Variants in CTRB2 observed in about 807,000 individuals in gnomAD.
CTRB2 encodes chymotrypsinogen B2.
CTRB2 carries 9 observed loss-of-function variants against 19.3 expected under a neutral mutation model. The ratio of observed to expected loss-of-function variants is 0.47; its 90% CI spans 0.28 to 0.81. CTRB2 has a LOEUF of 0.81. CTRB2 is among the 40% of genes least tolerant of loss of function. The pLI is 0.11. For missense variants in CTRB2, 210 were observed against 269.7 expected, an observed-to-expected ratio of 0.78 and a Z score of 1.55; for synonymous variants, 98 against 117.3, an observed-to-expected ratio of 0.84 and a Z score of 1.06.
chr16:75,206,081 C>A lies in CTRB2; in HGVS notation c.156+9G>T, dbSNP rs750029573. 5 of 1,497,678 alleles carry A rather than the reference C, an allele frequency of 3.3e-6. No homozygotes were observed. Among genetic ancestry groups the A allele is most frequent in the Admixed American group, 2.1e-5 (1 of 48,488 alleles). The allele number at this position is 1,497,678 out of a possible 1,614,324, so 92.8% of individuals were successfully genotyped here. On this transcript the variant is annotated intron_variant, in intron 2 of 6. Transcript: ENST00000303037. ...CCAGGGTGCCCCCCACCTTGCAGAA[C>A]CCCCTCACCTGCAGGGACACCTGCC...
chr16:75,206,352 T>C, intron 1 of CTRB2, 159 bp from the exon 2 acceptor site: 1 of 728,988 alleles, frequency 1.4e-6, no homozygotes, highest in South Asian at 1.9e-5. Context: ...TCCGCAGAGC[T>C]GGAATCCCCA....
At chr16:75,206,571 A>C (rs961585639) in intron 1 of CTRB2, 2 of 342,158 alleles carry the variant, frequency 5.8e-6, no homozygotes, top group Non-Finnish European at 1.1e-5. Context: ...AGTGGGGATC[A>C]CGCTGTTTCT....
intron 6 of CTRB2, 50 bp from the exon 7 acceptor site, chr16:75,204,372 C>A: frequency 6.3e-7 from 1 of 1,574,940 alleles, no homozygotes; most frequent in Admixed American, 1.7e-5. Context: ...GTGCCAGGGC[C>A]TAGGGGACCC....
chr16:75,204,518 G>A (rs1474129068), intron 6 of CTRB2, among the ~76,000 whole-genome samples, 196 bp from the exon 7 acceptor site: 4 of 152,116 alleles, frequency 2.6e-5, no homozygotes, highest in South Asian at 2.1e-4. Flanking sequence ...TGGGGCAGGT[G>A]GCTTCCCTCT....
At chr16:75,204,715 C>A in intron 6 of CTRB2, 58 bp downstream of exon 6, 3 of 1,490,660 alleles carry the variant, frequency 2.0e-6, no homozygotes, top group Non-Finnish European at 2.7e-6. Context: ...GGGTGGAAAG[C>A]CCAGACCTCC....
At position 75,204,232 on chromosome 16, in the gene CTRB2, T is replaced by G. The variant is rs1049299; in HGVS notation, c.721A>C (p.Thr241Pro). The change falls in exon 7 of 7, where the codon ACC becomes CCC. Residue 241 changes from threonine to proline, a missense_variant. By Grantham distance (38) the Thr-to-Pro change is conservative. This residue lies in a region of CTRB2 where 120 missense variants were observed against 90.8 expected (regional missense o/e 1.32). Transcript: ENST00000303037. Reference sequence around the variant, plus strand: ...ACACGGGCGTACACAGCGGGCGTGGTGGTAGAGCAGGTGCGGCTGCCCCAG... The same window carrying G: ...ACACGGGCGTACACAGCGGGCGTGGGGGTAGAGCAGGTGCGGCTGCCCCAG... ...VSWGSRTCSTTTPAVYARVAK... is the reference protein window; with the variant it reads ...VSWGSRTCSTPTPAVYARVAK... The G allele has an allele frequency of 1.9e-6, 3 of 1,613,920 alleles. No homozygotes were observed. Among genetic ancestry groups the G allele is most frequent in the Non-Finnish European group, 2.5e-6 (3 of 1,179,974 alleles).
chr16:75,207,066 G>T, intron 1 of CTRB2, 24 bp downstream of exon 1: 1 of 1,550,492 alleles, frequency 6.4e-7, no homozygotes, highest in Middle Eastern at 1.7e-4. Context: ...AAACCCTTCG[G>T]CCTCCGCAGG....
Position 75,204,866 on chromosome 16 carries a change from G to A in CTRB2, c.537C>T (p.Pro179=), listed in dbSNP as rs1326126981. The change falls in exon 6 of 7, where the codon CCC becomes CCT. Residue 179 remains proline (P), a synonymous_variant. Transcript: ENST00000303037. Reference sequence around the variant, plus strand: ...TCTTGCATTCGGCATTGGACAGGAGGGGCAGGGCTGCCTGCTGCAGCTTGT... The same window carrying A: ...TCTTGCATTCGGCATTGGACAGGAGAGGCAGGGCTGCCTGCTGCAGCTTGT... ...TPDKLQQAAL[P]LLSNAECKKS... 9 of 1,225,424 alleles carry A rather than the reference G, an allele frequency of 7.3e-6. No individual in the cohort carries two copies. The African/African-American group carries it at 1.0e-4, about 14-fold the overall frequency. The allele number at this position is 1,225,424 out of a possible 1,614,324, so 75.9% of individuals were successfully genotyped here.
In CTRB2 at chr16:75,204,332, G is replaced by A. The variant is rs2038869067; in HGVS notation, c.631-10C>T. The A allele has an allele frequency of 6.2e-7, 1 of 1,613,526 alleles. No individual in the cohort carries two copies. The highest frequency in any genetic ancestry group is 8.5e-7 in the Non-Finnish European group (1 of 1,179,840). ...GGCCTCCAGAGTCACCCTGCAGGAA[G>A]GAGAGGAAGTATCTCTAGGCCTGAA... On this transcript the variant is annotated splice_polypyrimidine_tract_variant and intron_variant, in intron 6 of 6. Coordinates refer to ENST00000303037, the MANE Select transcript of CTRB2 (RefSeq NM_001025200.4).
At position 75,206,964 on chromosome 16, in the gene CTRB2, A is replaced by T. The variant is rs1349196657; in HGVS notation, c.52+126T>A. 7 of 900,114 alleles carry T rather than the reference A, an allele frequency of 7.8e-6. No individual in the cohort carries two copies. In the Admixed American group the frequency reaches 1.0e-4, roughly 13 times the overall value. 55.8% of individuals were successfully genotyped at this position (900,114 alleles called of 1,614,324 possible). A position where few individuals can be genotyped will look rare whatever the true frequency, so the allele number is the denominator to read the frequency against. ...GCCCACGGCAGAGATGGAGCCGGTG[A>T]CTCGCCCAGGCCCACACTGCGGTGC... On this transcript the variant is annotated intron_variant, in intron 1 of 6. Transcript: ENST00000303037.
intron 1 of CTRB2, chr16:75,206,487 G>C (rs546792887): frequency 2.0e-6 from 1 of 497,222 alleles, no homozygotes; most frequent in Non-Finnish European, 3.6e-6. Context: ...GCTCAGTCTG[G>C]GAGGCCAGAC....
intron 1 of CTRB2, 180 bp downstream of exon 1, chr16:75,206,910 G>A (rs1396970787): frequency 2.5e-5 from 16 of 630,668 alleles, no homozygotes; most frequent in African/African-American, 1.6e-4. Context: ...CGGCAGCTGA[G>A]CCTGGGAGGG....
At chr16:75,204,640 G>A in intron 6 of CTRB2, 133 bp downstream of exon 6, 1 of 1,511,364 alleles carries the variant, frequency 6.6e-7, no homozygotes, top group Non-Finnish European at 8.9e-7. Context: ...GGGCGGCTGT[G>A]ACCCCAAGGC....
chr16:75,206,369 A>T (rs1025761958), intron 1 of CTRB2, 176 bp from the exon 2 acceptor site: 1 of 660,668 alleles, frequency 1.5e-6, no homozygotes, highest in Non-Finnish European at 2.5e-6. Context: ...CCCAGGTACA[A>T]CTGAGTCCAA....
intron 1 of CTRB2, 189 bp downstream of exon 1, chr16:75,206,901 G>A (rs996522260): frequency 2.3e-5 from 14 of 608,442 alleles, no homozygotes; most frequent in Non-Finnish European, 2.7e-5. Context: ...GCTCAGAGGC[G>A]GCAGCTGAGC....
At chr16:75,204,347 C>T in intron 6 of CTRB2, 25 bp from the exon 7 acceptor site, 3 of 1,612,138 alleles carry the variant, frequency 1.9e-6, no homozygotes, top group Non-Finnish European at 2.5e-6. Context: ...GGAAGTATCT[C>T]TAGGCCTGAA....
intron 1 of CTRB2, 107 bp downstream of exon 1, chr16:75,206,983 G>T: frequency 1.9e-6 from 2 of 1,080,770 alleles, no homozygotes; most frequent in Non-Finnish European, 1.4e-6. Flanking sequence ...GGCCCACACT[G>T]CGGTGCACAG....
chr16:75,204,432 A>G, intron 6 of CTRB2, 110 bp from the exon 7 acceptor site: 2 of 1,116,808 alleles, frequency 1.8e-6, no homozygotes, highest in Non-Finnish European at 2.6e-6. Context: ...AAGCATGGGC[A>G]TAGGGGCTGT....
At chr16:75,206,913 T>C in intron 1 of CTRB2, 177 bp downstream of exon 1, 2 of 636,844 alleles carry the variant, frequency 3.1e-6, no homozygotes, top group Non-Finnish European at 5.7e-6. Flanking sequence ...CAGCTGAGCC[T>C]GGGAGGGAGG....
Sources: allele counts gnomAD v4.1 joint callset (sites outside exome capture counted in the v4.1 genomes callset), GRCh38; gene constraint gnomAD v4.1.1; regional missense constraint gnomAD v4.1.1; transcripts MANE v1.5; gene names NCBI Gene and HGNC (gene_info 2026-07-23, HGNC 2026-07-21).